CCDC14: variants seen among roughly 807,000 people sequenced by gnomAD.
CCDC14 encodes coiled-coil domain-containing protein 14.
CCDC14 carries 71 observed loss-of-function variants against 81.4 expected under a neutral mutation model. The observed-to-expected ratio is 0.87, with a 90% CI of 0.72 to 1.06. The LOEUF is 1.06. Among genes scored for constraint, CCDC14 ranks in the 50% least tolerant of loss-of-function variants. The pLI, the probability that CCDC14 is intolerant of heterozygous loss-of-function variation, is 0.00. For synonymous variants in CCDC14, 332 were observed against 364.8 expected (o/e 0.91, Z 1.03); for missense variants, 1,046 against 1,047.3 (o/e 1.00, Z 0.02).
At chr3:123,947,585 G>A (rs2036725219) in intron 7 of CCDC14, among the ~76,000 whole-genome samples, 1 of 151,946 alleles carries the variant, frequency 6.6e-6, no homozygotes, top group Non-Finnish European at 1.5e-5. Flanking sequence ...AAAACTTTTT[G>A]TATGTTTAAA....
intron 12 of CCDC14, among the ~76,000 whole-genome samples, chr3:123,926,599 A>G (rs1238508976): frequency 6.7e-6 from 1 of 148,868 alleles, no homozygotes; most frequent in Non-Finnish European, 1.5e-5. Context: ...ATTTAAATTA[A>G]TATTTAAAAT....
chr3:123,930,259 G>C (rs967619837), intron 12 of CCDC14, among the ~76,000 whole-genome samples: 1 of 152,086 alleles, frequency 6.6e-6, no homozygotes, highest in African/African-American at 2.4e-5. Flanking sequence ...TTCCCTACAA[G>C]TTTATCATTC....
chr3:123,912,911 G>C (rs1209091041), downstream of CCDC14, among the ~76,000 whole-genome samples: 1 of 151,882 alleles, frequency 6.6e-6, no homozygotes, highest in African/African-American at 2.4e-5. Flanking sequence ...GGTCTACCAC[G>C]GTACATCCTA....
chr3:123,906,284 C>T (rs1350093163), intron 5 of CCDC14, among the ~76,000 whole-genome samples: 3 of 151,728 alleles, frequency 2.0e-5, no homozygotes, highest in South Asian at 4.2e-4. Context: ...GAGCCGAGAT[C>T]GCGCCACTGC....
intron 5 of CCDC14, among the ~76,000 whole-genome samples, chr3:123,901,021 C>T (rs932176954): frequency 6.6e-6 from 1 of 152,010 alleles, no homozygotes; most frequent in African/African-American, 2.4e-5. Flanking sequence ...ATCGTGAGGT[C>T]AGGAGATCGA....
intron 9 of CCDC14, among the ~76,000 whole-genome samples, chr3:123,939,298 T>C (rs1253980592): frequency 6.6e-6 from 1 of 151,878 alleles, no homozygotes. Context: ...TCTTCATACA[T>C]AATTTTCTAT....
chr3:123,911,052 G>A (rs888252865), downstream of CCDC14, among the ~76,000 whole-genome samples: 1 of 152,172 alleles, frequency 6.6e-6, no homozygotes, highest in Non-Finnish European at 1.5e-5. Flanking sequence ...TTGGGCAAAA[G>A]GCCGTCCAGG....
chr3:123,939,504 T>TG (rs549152414), intron 9 of CCDC14, among the ~76,000 whole-genome samples: 129 of 150,378 alleles, frequency 8.6e-4, no homozygotes, highest in African/African-American at 3.1e-3. Context: ...TAGAATAAAG[T>TG]GGTACAACCA....
downstream of CCDC14, among the ~76,000 whole-genome samples, chr3:123,892,597 C>T (rs1030913995): frequency 2.6e-5 from 4 of 152,132 alleles, no homozygotes; most frequent in African/African-American, 4.8e-5. Context: ...ACCGTATGGT[C>T]AGGCTGCAAA....
intron 12 of CCDC14, among the ~76,000 whole-genome samples, chr3:123,922,104 A>C (rs1377278236): frequency 6.6e-6 from 1 of 152,254 alleles, no homozygotes; most frequent in African/African-American, 2.4e-5. Flanking sequence ...GTGGAAATTA[A>C]GCAACATGCT....
intron 7 of CCDC14, 106 bp downstream of exon 7, chr3:123,948,585 T>A: frequency 1.1e-6 from 1 of 878,686 alleles, no homozygotes; most frequent in African/African-American, 1.8e-5. Context: ...AAACAACTGG[T>A]CTTTAAATCC....
chr3:123,956,553 C>A, intron 2 of CCDC14, 126 bp from the exon 3 acceptor site: 1 of 774,714 alleles, frequency 1.3e-6, no homozygotes, highest in South Asian at 1.9e-5. Flanking sequence ...TTTATAAACA[C>A]ATTCTGAAGA....
At chr3:123,905,709 C>T (rs534297291) in intron 5 of CCDC14, among the ~76,000 whole-genome samples, 34 of 152,288 alleles carry the variant, frequency 2.2e-4, no homozygotes, top group Non-Finnish European at 4.4e-4. Context: ...GGATTTCAGT[C>T]TCCCTTCCAG....
At chr3:123,890,591 C>T in the CCDC14 span, among the ~76,000 whole-genome samples, 1 of 152,192 alleles carries the variant, frequency 6.6e-6, no homozygotes, top group African/African-American at 2.4e-5. Flanking sequence ...AAAATGACCT[C>T]CTTTGACTCC....
chr3:123,894,437 G>A (rs2034031076), downstream of CCDC14, among the ~76,000 whole-genome samples: 1 of 151,990 alleles, frequency 6.6e-6, no homozygotes, highest in Admixed American at 6.6e-5. Flanking sequence ...TTAGCTATTG[G>A]GGGCTCTCTG....
chr3:123,913,043 A>T (rs1205402663), downstream of CCDC14, among the ~76,000 whole-genome samples: 1 of 152,240 alleles, frequency 6.6e-6, no homozygotes, highest in Non-Finnish European at 1.5e-5. Flanking sequence ...GTTCTCTTCT[A>T]GGTCCTCCTC....
intron 9 of CCDC14, among the ~76,000 whole-genome samples, chr3:123,941,952 T>C (rs954142695): frequency 6.6e-6 from 1 of 152,120 alleles, no homozygotes; most frequent in Non-Finnish European, 1.5e-5. Flanking sequence ...TTTGGTATCC[T>C]TATTTAAGGA....
At chr3:123,913,140 T>G (rs2034484756), downstream of CCDC14, among the ~76,000 whole-genome samples, 1 of 152,234 alleles carries the variant, frequency 6.6e-6, no homozygotes, top group African/African-American at 2.4e-5. Flanking sequence ...CATCTTGAAA[T>G]TTAACCAAAT....
intron 5 of CCDC14, among the ~76,000 whole-genome samples, chr3:123,907,867 C>T (rs894534687): frequency 6.6e-6 from 1 of 151,752 alleles, no homozygotes; most frequent in African/African-American, 2.4e-5. Flanking sequence ...TTCAGTCCTT[C>T]TAGCTATTTT....
Sources: allele counts gnomAD v4.1 joint callset (sites outside exome capture counted in the v4.1 genomes callset), GRCh38; gene constraint gnomAD v4.1.1; transcripts MANE v1.5; gene names NCBI Gene and HGNC (gene_info 2026-07-23, HGNC 2026-07-21).